Variants in WDR7 observed in about 807,000 individuals in gnomAD.
The protein encoded by WDR7 is WD repeat domain 7.
Under a neutral mutation model 169.4 loss-of-function variants are expected in WDR7, and 46 were observed. The ratio of observed to expected loss-of-function variants is 0.27; its 90% CI spans 0.21 to 0.35. WDR7 has a LOEUF of 0.35. WDR7 is among the 10% of genes least tolerant of loss of function. The pLI is 1.00. For missense variants in WDR7, 1,534 were observed against 1,859.3 expected, an observed-to-expected ratio of 0.83 and a Z score of 3.22; for synonymous variants, 612 against 666.8, an observed-to-expected ratio of 0.92 and a Z score of 1.27.
rs779757655 is a variant in WDR7, at chr18:56,816,132, G to T, written c.3292G>T (p.Asp1098Tyr). The T allele has an allele frequency of 3.1e-6, 5 of 1,613,366 alleles. No homozygotes were observed. The highest frequency in any genetic ancestry group is 4.2e-6 in the Non-Finnish European group (5 of 1,179,772). Residue 1098 changes from aspartate to tyrosine, a missense_variant, in exon 20 of 28, where the codon GAC (aspartate) becomes TAC (tyrosine). Asp to Tyr is a radical substitution (Grantham distance 160). Transcript: ENST00000254442. Reference protein sequence around the residue: ...QEEEHDLVDDDITTGCLSSVP... With the variant: ...QEEEHDLVDDYITTGCLSSVP... ...GGAAGAGCATGACCTTGTTGACGAT[G>T]ACATCACCACTGGTAAGCACAGACA...
At chr18:56,834,957 T>TTG (rs1299696757) in intron 20 of WDR7, among the ~76,000 whole-genome samples, 2 of 152,226 alleles carry the variant, frequency 1.3e-5, no homozygotes, top group Non-Finnish European at 2.9e-5. Flanking sequence ...GCCTTCTGTG[T>TTG]TGTCTGTGTT....
rs1379459884 is a variant in WDR7, at chr18:56,658,482, T to C, written c.-20+6906T>C. 2.0e-5 allele frequency among the ~76,000 whole-genome samples: 3 copies of C among 152,330 alleles called. No homozygotes were observed. The East Asian group carries it at 5.8e-4, about 29-fold the overall frequency. On this transcript the variant is annotated intron_variant, in intron 1 of 27. Transcript: ENST00000254442. ...TATGACCCTACAAGCTCACTGAAGA[T>C]AGTTTTTTGCACATCATGTTTCTCT...
At chr18:56,654,243 T>C (rs2024717720) in intron 1 of WDR7, among the ~76,000 whole-genome samples, 1 of 152,188 alleles carries the variant, frequency 6.6e-6, no homozygotes, top group Non-Finnish European at 1.5e-5. Context: ...GCGATTCTCC[T>C]GCCTTAGCCT....
In WDR7 at chr18:56,714,400, T is replaced by C. The variant is rs549630574; in HGVS notation, c.1579-3564T>C. ...CTAAAGTTAACTCTTTAGATACTTA[T>C]TATCATTTACAGAGATGGTATATCA... On this transcript the variant is annotated intron_variant, in intron 12 of 27. Coordinates refer to ENST00000254442, the MANE Select transcript of WDR7 (RefSeq NM_015285.3). Among the ~76,000 whole-genome samples the C allele has an allele frequency of 3.3e-5, 5 of 152,150 alleles. No homozygotes were observed. In the East Asian group the frequency reaches 7.7e-4, roughly 23 times the overall value.
chr18:56,765,711 G>A (rs2044053446), intron 16 of WDR7, among the ~76,000 whole-genome samples: 1 of 152,024 alleles, frequency 6.6e-6, no homozygotes, highest in Non-Finnish European at 1.5e-5. Flanking sequence ...ATTCCTTTGT[G>A]TAGATCAAGA....
intron 25 of WDR7, among the ~76,000 whole-genome samples, chr18:56,944,289 G>A (rs956623518): frequency 5.1e-4 from 77 of 152,226 alleles, no homozygotes; most frequent in African/African-American, 1.7e-3. Flanking sequence ...ACTGCGCCCA[G>A]CCAGTCTTGT....
At chr18:56,885,882 C>A (rs1188102771) in intron 21 of WDR7, among the ~76,000 whole-genome samples, 1 of 149,496 alleles carries the variant, frequency 6.7e-6, no homozygotes, top group Non-Finnish European at 1.5e-5. Flanking sequence ...TTTGAATTAA[C>A]CCAATCCAAC....
chr18:56,695,148 C>T lies in WDR7; in HGVS notation c.1307C>T (p.Thr436Ile), dbSNP rs751354063. The change falls in exon 11 of 28, where the codon ACA becomes ATA. Residue 436 changes from threonine (T) to isoleucine (I), a missense_variant. Physicochemically the swap from Thr to Ile is moderately conservative, Grantham distance 89 (BLOSUM62 -1). Transcript: ENST00000254442. ...GGAAGCATAGTTATTGTACCTGCCA[C>T]ACAGACGGCCATAGTACAGCTGTTG... ...EDGSIVIVPA[T>I]QTAIVQLLQG... 6.2e-7 allele frequency: 1 copy of T among 1,614,176 alleles called. No homozygotes were observed. Among genetic ancestry groups the T allele is most frequent in the South Asian group, 1.1e-5 (1 of 91,084 alleles).
intron 21 of WDR7, among the ~76,000 whole-genome samples, chr18:56,906,252 T>A (rs938821748): frequency 2.0e-5 from 3 of 152,202 alleles, no homozygotes. Context: ...GGATCCAGAT[T>A]TGAGGAGACT....
intron 26 of WDR7, among the ~76,000 whole-genome samples, chr18:57,015,307 T>G (rs1481129356): frequency 6.6e-6 from 1 of 152,194 alleles, no homozygotes; most frequent in Non-Finnish European, 1.5e-5. Context: ...CGGCCATAGA[T>G]GAGATTATCT....
At chr18:56,714,508 G>A (rs1400128265) in intron 12 of WDR7, among the ~76,000 whole-genome samples, 1 of 148,818 alleles carries the variant, frequency 6.7e-6, no homozygotes, top group African/African-American at 2.5e-5. Context: ...GCAATGGTGC[G>A]ATCTCGGTTC....
At chr18:56,984,759 T>G (rs1294626964) in intron 26 of WDR7, among the ~76,000 whole-genome samples, 1 of 152,168 alleles carries the variant, frequency 6.6e-6, no homozygotes. Context: ...TTTGGAAGCC[T>G]CTTTGAAGGA....
chr18:56,868,257 T>C (rs533698967), intron 20 of WDR7, among the ~76,000 whole-genome samples: 5 of 152,158 alleles, frequency 3.3e-5, no homozygotes, highest in African/African-American at 4.8e-5. Flanking sequence ...GTCATTGTTT[T>C]ATTATTGCGA....
At chr18:57,023,142 GA>G (rs1291685392) in intron 27 of WDR7, among the ~76,000 whole-genome samples, 2 of 152,162 alleles carry the variant, frequency 1.3e-5, no homozygotes, top group Non-Finnish European at 2.9e-5. Context: ...GCTTTCTCAG[GA>G]AAATGCAATG....
intron 1 of WDR7, among the ~76,000 whole-genome samples, chr18:56,662,599 C>T (rs926004918): frequency 2.0e-5 from 3 of 152,174 alleles, no homozygotes; most frequent in Non-Finnish European, 4.4e-5. Context: ...TGTACATCAA[C>T]ATCTATCGAG....
intron 25 of WDR7, among the ~76,000 whole-genome samples, chr18:56,944,170 T>C (rs1181098839): frequency 1.3e-5 from 2 of 151,798 alleles, no homozygotes; most frequent in African/African-American, 2.4e-5. Context: ...TGTATTCTTT[T>C]TTCAGTTGAG....
At chr18:56,773,307 C>T (rs2044192399) in intron 16 of WDR7, among the ~76,000 whole-genome samples, 1 of 151,830 alleles carries the variant, frequency 6.6e-6, no homozygotes, top group African/African-American at 2.4e-5. Context: ...GATTACTACA[C>T]ATACAAGGTT....
chr18:56,921,219 G>A (rs1054153530), intron 21 of WDR7, among the ~76,000 whole-genome samples: 4 of 152,194 alleles, frequency 2.6e-5, no homozygotes, highest in African/African-American at 9.6e-5. Context: ...TTTGGGAAAA[G>A]TTGTTAGAGA....
Position 56,679,373 on chromosome 18 carries a change from C to T in WDR7, c.201C>T (p.Ile67=). 6.2e-7 allele frequency: 1 copy of T among 1,612,590 alleles called. No homozygotes were observed. Among genetic ancestry groups the T allele is most frequent in the Non-Finnish European group, 8.5e-7 (1 of 1,178,724 alleles). The change falls in exon 3 of 28, where the codon ATC becomes ATT. Residue 67 remains isoleucine (I), a synonymous_variant. Coordinates refer to ENST00000254442, the MANE Select transcript of WDR7 (RefSeq NM_015285.3). The stretch of plus-strand genomic sequence containing the variant: ...TGTTGTTTGGTCATACAGCATCAAT[C>T]ACTTGTTTGTCTAAAGCTTGTGCTT... The part of the protein sequence containing the change: ...RALLFGHTAS[I]TCLSKACASS...
Sources: gnomAD v4.1 joint callset for allele counts (sites outside exome capture counted in the v4.1 genomes callset) on GRCh38, gnomAD v4.1.1 for gene constraint, MANE v1.5 for transcripts, NCBI Gene and HGNC (gene_info 2026-07-23, HGNC 2026-07-21) for gene names.